DICER1: variants seen among roughly 807,000 people sequenced by gnomAD.
DICER1 encodes endoribonuclease Dicer.
In DICER1, 43 loss-of-function variants were observed where a neutral mutation model predicts 194.1. The observed-to-expected ratio is 0.22, with a 90% CI of 0.17 to 0.29. The LOEUF (loss-of-function observed/expected upper bound fraction) is 0.29. Among genes scored for constraint, DICER1 ranks in the 10% least tolerant of loss-of-function variants. The pLI is 1.00. For synonymous variants in DICER1, 832 were observed against 820.5 expected (o/e 1.01, Z -0.24); for missense variants, 1,608 against 2,317.0 (o/e 0.69, Z 6.28).
In DICER1 at chr14:95,117,645, C is replaced by T. The variant is rs779431881; in HGVS notation, c.1486G>A (p.Ala496Thr). The change falls in exon 9 of 27, where the codon GCA (alanine) becomes ACA (threonine). Residue 496 changes from alanine (A) to threonine (T), a missense_variant. Physicochemically the swap from Ala to Thr is moderately conservative, Grantham distance 58. This residue lies in a region of DICER1 where 657 missense variants were observed against 910.1 expected (regional missense o/e 0.72). Coordinates refer to ENST00000343455, the MANE Select transcript of DICER1 (RefSeq NM_177438.3). Reference sequence around the variant, plus strand: ...ACCTCTTCCTGTTTTCTGAATTCTGCTTCCATCTGTTTGTTGCGAGGCTGA... The same window carrying T: ...ACCTCTTCCTGTTTTCTGAATTCTGTTTCCATCTGTTTGTTGCGAGGCTGA... ...KNQPRNKQME[A>T]EFRKQEEVLR... 17 of 1,614,082 alleles carry T rather than the reference C, an allele frequency of 1.1e-5. No individual in the cohort carries two copies. The highest frequency in any genetic ancestry group is 1.4e-5 in the Non-Finnish European group (17 of 1,179,956).
At chr14:95,126,822 C>CAAA (rs75156371) in intron 6 of DICER1, 74 bp from the exon 7 acceptor site, 29 of 348,776 alleles carry the variant, frequency 8.3e-5, no homozygotes, top group South Asian at 2.6e-4. Flanking sequence ...TTTCAAAAAG[C>CAAA]AAAAAAAAAA....
At chr14:95,132,378 G>C (rs927850120) in intron 3 of DICER1, 137 bp downstream of exon 3, 1 of 938,120 alleles carries the variant, frequency 1.1e-6, no homozygotes, top group Non-Finnish European at 1.7e-6. Flanking sequence ...AACAATTTCT[G>C]CCAGAAGAGA....
chr14:95,136,483 C>T (rs554125640), intron 1 of DICER1: 1 of 152,224 alleles, frequency 6.6e-6, no homozygotes, highest in Admixed American at 6.5e-5. Context: ...TAGCTGGGAC[C>T]ACAGGTGTGC....
At position 95,096,497 on chromosome 14, in the gene DICER1, T is replaced by C. The variant is rs150883389; in HGVS notation, c.4423A>G (p.Thr1475Ala). Reference protein sequence around the residue: ...KKISLSPFSTTDSAYEWKMPK... With the variant: ...KKISLSPFSTADSAYEWKMPK... ...ATTTTCCATTCATATGCAGAATCAGTGGTTGAAAAAGGAGAAAGAGAGATT... is the reference window on the plus strand; with the variant it reads ...ATTTTCCATTCATATGCAGAATCAGCGGTTGAAAAAGGAGAAAGAGAGATT... The change falls in exon 23 of 27, where the codon ACT becomes GCT. Residue 1475 changes from threonine to alanine, a missense_variant. Thr to Ala is a moderately conservative substitution (Grantham distance 58). Transcript: ENST00000343455. 1.1e-5 allele frequency: 17 copies of C among 1,614,006 alleles called. No homozygotes were observed. The highest frequency in any genetic ancestry group is 3.3e-4 in the Middle Eastern group (2 of 6,084).
At chr14:95,130,256 A>G in intron 4 of DICER1, 64 bp from the exon 5 acceptor site, 2 of 1,500,224 alleles carry the variant, frequency 1.3e-6, no homozygotes, top group Non-Finnish European at 1.8e-6. Flanking sequence ...CTTACATAAA[A>G]TCAGATCATA....
At chr14:95,093,274 G>C (rs536813212) in intron 24 of DICER1, among the ~76,000 whole-genome samples, 3 of 152,314 alleles carry the variant, frequency 2.0e-5, no homozygotes, top group Non-Finnish European at 4.4e-5. Context: ...TGAATGTTAA[G>C]AGACTGGAAA....
At chr14:95,155,199 T>C (rs894431079) in intron 1 of DICER1, among the ~76,000 whole-genome samples, 9 of 152,190 alleles carry the variant, frequency 5.9e-5, no homozygotes, top group African/African-American at 2.2e-4. Context: ...AGAATGTACG[T>C]AGAACCTGAA....
intron 7 of DICER1, 74 bp downstream of exon 7, chr14:95,126,506 T>A: frequency 3.0e-6 from 3 of 987,420 alleles, no homozygotes; most frequent in Non-Finnish European, 4.7e-6. Flanking sequence ...GCATTAAGCA[T>A]ATTTTCATTT....
intron 9 of DICER1, 63 bp from the exon 10 acceptor site, chr14:95,116,758 A>C (rs1268474390): frequency 1.3e-6 from 2 of 1,531,356 alleles, no homozygotes; most frequent in Non-Finnish European, 1.8e-6. Context: ...AACAAAAAAA[A>C]TTAGTAAAAG....
chr14:95,125,208 C>CTT (rs1893302015), intron 7 of DICER1, among the ~76,000 whole-genome samples: 3 of 151,994 alleles, frequency 2.0e-5, no homozygotes, highest in Non-Finnish European at 4.4e-5. Flanking sequence ...ATCATCATTT[C>CTT]TTTTTTCTTT....
intron 3 of DICER1, among the ~76,000 whole-genome samples, 181 bp from the exon 4 acceptor site, chr14:95,131,820 A>G (rs1472201453): frequency 1.3e-5 from 2 of 152,166 alleles, no homozygotes; most frequent in Admixed American, 6.5e-5. Flanking sequence ...AATGGCACCT[A>G]CTAGACTTGC....
intron 7 of DICER1, among the ~76,000 whole-genome samples, 183 bp downstream of exon 7, chr14:95,126,397 T>C (rs1056635932): frequency 2.6e-5 from 4 of 152,198 alleles, no homozygotes; most frequent in Non-Finnish European, 5.9e-5. Flanking sequence ...TTAATATAAA[T>C]GTGCACTGGA....
intron 14 of DICER1, among the ~76,000 whole-genome samples, chr14:95,110,335 G>A (rs964775045): frequency 2.6e-5 from 4 of 152,166 alleles, no homozygotes; most frequent in East Asian, 1.9e-4. Flanking sequence ...AACCCATCCC[G>A]GACAGGACAC....
Position 95,096,653 on chromosome 14 carries a change from C to T in DICER1, c.4267G>A (p.Glu1423Lys), listed in dbSNP as rs1021066468. 4.3e-6 allele frequency: 7 copies of T among 1,612,944 alleles called. No homozygotes were observed. The highest frequency in any genetic ancestry group is 5.9e-6 in the Non-Finnish European group (7 of 1,179,524). The change falls in exon 23 of 27, where the codon GAG becomes AAG. Residue 1423 changes from glutamate (E) to lysine (K), a missense_variant. By Grantham distance (56) the Glu-to-Lys change is moderately conservative. Coordinates refer to ENST00000343455, the MANE Select transcript of DICER1 (RefSeq NM_177438.3). ...LDEDYEEEDE[E>K]EESLMWRAPK... ...GCCCTCCACATCAGGCTCTCCTCCT[C>T]CTCATCCTCCTCCTCGTAATCCTCA...
At chr14:95,143,002 T>A (rs1894912392) in intron 1 of DICER1, among the ~76,000 whole-genome samples, 1 of 152,202 alleles carries the variant, frequency 6.6e-6, no homozygotes, top group African/African-American at 2.4e-5. Flanking sequence ...TCTGACATTA[T>A]TAACTTTGCA....
In DICER1 at chr14:95,087,634, G is replaced by A. The variant is rs1357485467; in HGVS notation, c.*2864C>T. 1.7e-5 allele frequency: 4 copies of A among 233,090 alleles called. No individual in the cohort carries two copies. The highest frequency in any genetic ancestry group is 1.7e-4 in the Admixed American group (3 of 17,774). 14.4% of individuals were successfully genotyped at this position (233,090 alleles called of 1,614,324 possible). A position where few individuals can be genotyped will look rare whatever the true frequency, so the allele number is the denominator to read the frequency against. ...TGTGCTACATGAACAGAACAGAAGG[G>A]AAAAAGCTATTATAAAACGCAGCAT... is the stretch of plus-strand genomic sequence containing the variant. On this transcript the variant is annotated 3_prime_UTR_variant, in exon 27 of 27. Transcript: ENST00000343455.
chr14:95,110,365 C>T (rs1285394427), intron 14 of DICER1, among the ~76,000 whole-genome samples: 1 of 152,200 alleles, frequency 6.6e-6, no homozygotes, highest in Non-Finnish European at 1.5e-5. Flanking sequence ...GCAGGGCACA[C>T]GCACATGCAT....
At chr14:95,145,769 TG>T (rs1895089372) in intron 1 of DICER1, among the ~76,000 whole-genome samples, 1 of 152,176 alleles carries the variant, frequency 6.6e-6, no homozygotes. Context: ...TACTTTTAAT[TG>T]TCATTTGTCT....
At position 95,096,450 on chromosome 14, in the gene DICER1, A is replaced by T. The variant is rs1060504975; in HGVS notation, c.4470T>A (p.Gly1490=). ...CAAAATCTGATGAAAATGGCATACT[A>T]CCTAAGGAGGATTTTTTGGGCATTT... is the stretch of plus-strand genomic sequence containing the variant. ...EWKMPKKSSL[G]SMPFSSDFED... is the part of the protein sequence containing the mutation. The change falls in exon 23 of 27, where the codon GGT becomes GGA. Residue 1490 remains glycine, a synonymous_variant. Transcript: ENST00000343455. 1.2e-6 allele frequency: 2 copies of T among 1,614,186 alleles called. No homozygotes were observed. The highest frequency in any genetic ancestry group is 1.6e-4 in the Middle Eastern group (1 of 6,062).
Sources: allele counts gnomAD v4.1 joint callset (sites outside exome capture counted in the v4.1 genomes callset), GRCh38; gene constraint gnomAD v4.1.1; regional missense constraint gnomAD v4.1.1; transcripts MANE v1.5; gene names NCBI Gene and HGNC (gene_info 2026-07-23, HGNC 2026-07-21).